KCNQ5: variants seen among roughly 807,000 people sequenced by gnomAD.
The protein encoded by KCNQ5 is potassium voltage-gated channel subfamily KQT member 5.
Under a neutral mutation model 98.2 loss-of-function variants are expected in KCNQ5, and 30 were observed. The observed-to-expected ratio is 0.31, with a 90% confidence interval of 0.23 to 0.41. The LOEUF (loss-of-function observed/expected upper bound fraction) is 0.41, where lower values mean the gene tolerates loss of function less well. KCNQ5 is among the 10% of genes least tolerant of loss of function. KCNQ5 has a pLI of 1.00. For synonymous variants in KCNQ5, 458 were observed against 449.4 expected (o/e 1.02, Z -0.24); for missense variants, 835 against 1,182.5 (o/e 0.71, Z 4.31).
chr6:72,703,054 G>C (rs1034511701), intron 1 of KCNQ5, among the ~76,000 whole-genome samples: 1 of 152,160 alleles, frequency 6.6e-6, no homozygotes, highest in Admixed American at 6.5e-5. Context: ...ATGCAGATCT[G>C]TTTCTGTCAC....
chr6:72,871,511 A>G (rs2150162847), intron 1 of KCNQ5, among the ~76,000 whole-genome samples: 1 of 152,356 alleles, frequency 6.6e-6, no homozygotes, highest in East Asian at 1.9e-4. Context: ...CAATCACTAA[A>G]GAAATAGCTA....
chr6:72,689,506 T>G (rs1042828500), intron 1 of KCNQ5, among the ~76,000 whole-genome samples: 3 of 152,178 alleles, frequency 2.0e-5, no homozygotes, highest in Non-Finnish European at 2.9e-5. Context: ...GCTAACAGAG[T>G]AAAACACATT....
chr6:72,635,854 C>A (rs1267020698), intron 1 of KCNQ5, among the ~76,000 whole-genome samples: 1 of 151,566 alleles, frequency 6.6e-6, no homozygotes, highest in Non-Finnish European at 1.5e-5. Context: ...AGACTGGGTA[C>A]CTAATTTACA....
intron 3 of KCNQ5, among the ~76,000 whole-genome samples, chr6:73,064,759 G>A (rs1772973529): frequency 6.6e-6 from 1 of 152,042 alleles, no homozygotes; most frequent in Non-Finnish European, 1.5e-5. Context: ...TAAAGCATCA[G>A]AAAATACACA....
At chr6:73,102,732 GTC>G (rs1774838853) in intron 5 of KCNQ5, among the ~76,000 whole-genome samples, 2 of 152,174 alleles carry the variant, frequency 1.3e-5, no homozygotes, top group South Asian at 4.2e-4. Flanking sequence ...AACAAATGCT[GTC>G]AAGGATTTGG....
At chr6:72,933,782 C>A (rs762380158) in intron 1 of KCNQ5, among the ~76,000 whole-genome samples, 24 of 152,048 alleles carry the variant, frequency 1.6e-4, no homozygotes, top group Non-Finnish European at 2.9e-4. Flanking sequence ...ATAATAGTAG[C>A]CATTTGGTAG....
intron 1 of KCNQ5, among the ~76,000 whole-genome samples, chr6:72,836,642 T>C (rs1476402665): frequency 6.6e-6 from 1 of 151,410 alleles, no homozygotes; most frequent in Non-Finnish European, 1.5e-5. Flanking sequence ...CTCACTGTTT[T>C]GCCCAAGCTG....
intron 5 of KCNQ5, among the ~76,000 whole-genome samples, chr6:73,078,842 T>C (rs2087978826): frequency 6.6e-6 from 1 of 152,214 alleles, no homozygotes; most frequent in Admixed American, 6.5e-5. Flanking sequence ...ACGCATAGTT[T>C]TCCACTGAAG....
chr6:72,813,389 G>T (rs776853178), intron 1 of KCNQ5, among the ~76,000 whole-genome samples: 5 of 151,990 alleles, frequency 3.3e-5, no homozygotes, highest in Non-Finnish European at 7.4e-5. Context: ...GCCTACTCAG[G>T]TATAGTTTAT....
intron 5 of KCNQ5, among the ~76,000 whole-genome samples, chr6:73,100,615 G>C (rs796419053): frequency 6.6e-6 from 1 of 151,514 alleles, no homozygotes; most frequent in Non-Finnish European, 1.5e-5. Context: ...CTTGCAGTGA[G>C]CCCAGATCAC....
intron 10 of KCNQ5, among the ~76,000 whole-genome samples, chr6:73,139,350 G>A (rs567749179): frequency 2.4e-4 from 37 of 152,298 alleles, no homozygotes; most frequent in African/African-American, 8.2e-4. Context: ...TAAAGCACAT[G>A]ATCAAGTGTG....
chr6:72,703,125 T>A (rs904576791), intron 1 of KCNQ5, among the ~76,000 whole-genome samples: 1 of 152,232 alleles, frequency 6.6e-6, no homozygotes, highest in Non-Finnish European at 1.5e-5. Context: ...AAGCTTTTAT[T>A]AGAGCAGACT....
chr6:72,965,373 G>T (rs984386233), intron 1 of KCNQ5, among the ~76,000 whole-genome samples: 3 of 152,210 alleles, frequency 2.0e-5, no homozygotes, highest in Non-Finnish European at 4.4e-5. Context: ...GATGAGACCA[G>T]AGGCTCCTGG....
intron 1 of KCNQ5, among the ~76,000 whole-genome samples, chr6:72,809,306 T>C (rs1775120048): frequency 1.3e-5 from 2 of 149,366 alleles, no homozygotes; most frequent in African/African-American, 4.9e-5. Context: ...GACGAGTTAG[T>C]GGGTGCAGCA....
chr6:72,730,421 C>A (rs1041937456), intron 1 of KCNQ5, among the ~76,000 whole-genome samples: 4 of 151,840 alleles, frequency 2.6e-5, no homozygotes, highest in African/African-American at 4.8e-5. Flanking sequence ...AAAAAGAATT[C>A]TCCTGTACAT....
At chr6:72,670,838 GA>G (rs938310772) in intron 1 of KCNQ5, among the ~76,000 whole-genome samples, 3 of 152,204 alleles carry the variant, frequency 2.0e-5, no homozygotes, top group Non-Finnish European at 2.9e-5. Context: ...AATAGGTAAG[GA>G]CATAAGACAT....
chr6:72,935,297 C>T (rs1041466851), intron 1 of KCNQ5, among the ~76,000 whole-genome samples: 1 of 152,042 alleles, frequency 6.6e-6, no homozygotes, highest in Non-Finnish European at 1.5e-5. Context: ...TCTCAAACTC[C>T]TGACCTCAGG....
At chr6:73,170,232 C>CT (rs1364672448) in intron 11 of KCNQ5, among the ~76,000 whole-genome samples, 1 of 152,046 alleles carries the variant, frequency 6.6e-6, no homozygotes, top group African/African-American at 2.4e-5. Flanking sequence ...AAGAAAAGGC[C>CT]TTGTAGGTTA....
chr6:72,831,568 G>A (rs370041061), intron 1 of KCNQ5, among the ~76,000 whole-genome samples: 14 of 149,258 alleles, frequency 9.4e-5, no homozygotes, highest in South Asian at 6.6e-4. Context: ...ATCACACACC[G>A]GGGCCTGTCG....
Sources: gnomAD v4.1 joint callset for allele counts (sites outside exome capture counted in the v4.1 genomes callset) on GRCh38, gnomAD v4.1.1 for gene constraint, MANE v1.5 for transcripts, NCBI Gene and HGNC (gene_info 2026-07-23, HGNC 2026-07-21) for gene names.